Variants in TAFA2 observed in about 807,000 individuals in gnomAD.
TAFA2 encodes TAFA chemokine like family member 2, also known as chemokine-like protein TAFA-2.
TAFA2 carries 7 observed loss-of-function variants against 18.8 expected under a neutral mutation model. The ratio of observed to expected loss-of-function variants is 0.37; its 90% CI spans 0.21 to 0.70. The LOEUF (loss-of-function observed/expected upper bound fraction) is 0.70. Ranked by LOEUF, TAFA2 falls within the 30% of genes least tolerant of loss-of-function variation. The pLI is 0.53. For synonymous variants in TAFA2, 60 were observed against 54.2 expected (o/e 1.11, Z -0.47); for missense variants, 122 against 158.1 (o/e 0.77, Z 1.23).
chr12:62,163,644 C>T (rs1333461760), intron 1 of TAFA2, among the ~76,000 whole-genome samples: 5 of 152,060 alleles, frequency 3.3e-5, no homozygotes, highest in African/African-American at 9.7e-5. Context: ...TGAGCAGTCA[C>T]GGAAATGTAA....
At chr12:61,787,405 C>T (rs1454658180) in intron 2 of TAFA2, among the ~76,000 whole-genome samples, 2 of 151,560 alleles carry the variant, frequency 1.3e-5, no homozygotes, top group Non-Finnish European at 3.0e-5. Context: ...TATATTCAAA[C>T]TCAGAATACT....
intron 1 of TAFA2, among the ~76,000 whole-genome samples, chr12:61,977,631 G>A (rs889569448): frequency 6.6e-6 from 1 of 152,072 alleles, no homozygotes; most frequent in Non-Finnish European, 1.5e-5. Flanking sequence ...ATGTCTTATA[G>A]TTGGTAGACC....
intron 4 of TAFA2, among the ~76,000 whole-genome samples, chr12:61,736,681 T>A (rs1261411050): frequency 1.3e-5 from 2 of 152,006 alleles, no homozygotes; most frequent in African/African-American, 4.8e-5. Context: ...GAGTTTATCC[T>A]GGAAATATGT....
At chr12:61,891,218 G>C (rs1278987373) in intron 1 of TAFA2, among the ~76,000 whole-genome samples, 1 of 152,172 alleles carries the variant, frequency 6.6e-6, no homozygotes, top group Non-Finnish European at 1.5e-5. Flanking sequence ...TGGTGAGAAA[G>C]ATTCAGCCAA....
At chr12:61,892,302 G>A (rs1026014711) in intron 1 of TAFA2, among the ~76,000 whole-genome samples, 1 of 152,096 alleles carries the variant, frequency 6.6e-6, no homozygotes, top group African/African-American at 2.4e-5. Context: ...AACATATTAA[G>A]TTTGAGAAGA....
At chr12:61,984,962 T>C (rs1483228481) in intron 1 of TAFA2, among the ~76,000 whole-genome samples, 2 of 152,240 alleles carry the variant, frequency 1.3e-5, no homozygotes, top group African/African-American at 2.4e-5. Context: ...CCAGACTCTC[T>C]TTGACTACAC....
chr12:61,720,835 G>A, intron 4 of TAFA2: 1 of 490,492 alleles, frequency 2.0e-6, no homozygotes, highest in Non-Finnish European at 4.1e-6. Context: ...ACTTTTTTGA[G>A]TGTGGAGAAA....
chr12:61,964,647 A>G (rs577882511), intron 1 of TAFA2, among the ~76,000 whole-genome samples: 49 of 151,904 alleles, frequency 3.2e-4, no homozygotes, highest in Non-Finnish European at 6.0e-4. Flanking sequence ...TCCTCACTCC[A>G]TACTCTTCTT....
At chr12:62,051,508 C>A (rs2951468) in intron 1 of TAFA2, among the ~76,000 whole-genome samples, 29,707 of 151,910 alleles carry the variant, frequency 0.2, 3,499 homozygotes, top group Non-Finnish European at 0.26. Context: ...TTTAAGTAAG[C>A]TTCCAGTAAG....
intron 1 of TAFA2, among the ~76,000 whole-genome samples, chr12:62,051,689 A>G (rs1008087930): frequency 4.0e-5 from 6 of 151,732 alleles, no homozygotes; most frequent in Middle Eastern, 6.8e-3. Flanking sequence ...AACTATGCAT[A>G]CCTGTCACCT....
chr12:62,183,106 G>A (rs2062562307), intron 1 of TAFA2, among the ~76,000 whole-genome samples: 1 of 152,204 alleles, frequency 6.6e-6, no homozygotes, highest in East Asian at 1.9e-4. Context: ...GATGGTATTT[G>A]TAGGTGGGAC....
chr12:61,994,984 C>A lies in TAFA2; in HGVS notation c.-1-127558G>T, dbSNP rs371060452. Among the ~76,000 whole-genome samples the A allele has an allele frequency of 3.7e-4, 56 of 152,234 alleles. 1 individual carries two copies. Among genetic ancestry groups the A allele is most frequent in the African/African-American group, 1.2e-3 (51 of 41,546 alleles). The stretch of plus-strand genomic sequence containing the variant: ...TTACTAGCCTAGTCCACTGCAACTG[C>A]CCCCTAACTGTCTGCCTGTCTCATA... On this transcript the variant is annotated intron_variant, in intron 1 of 4. Coordinates refer to ENST00000416284, the MANE Select transcript of TAFA2 (RefSeq NM_178539.5).
intron 1 of TAFA2, among the ~76,000 whole-genome samples, chr12:62,138,486 T>C (rs535028714): frequency 2.6e-5 from 4 of 152,342 alleles, no homozygotes; most frequent in South Asian, 2.1e-4. Context: ...TTTACTGCTA[T>C]AGTTTTAGTT....
chr12:61,785,066 A>G (rs1389435844), intron 2 of TAFA2, among the ~76,000 whole-genome samples: 1 of 151,446 alleles, frequency 6.6e-6, no homozygotes, highest in Non-Finnish European at 1.5e-5. Flanking sequence ...ATTCCTATCT[A>G]TCTATAATTG....
chr12:62,240,548 T>C (rs2062858183), intron 1 of TAFA2, among the ~76,000 whole-genome samples: 1 of 152,226 alleles, frequency 6.6e-6, no homozygotes, highest in African/African-American at 2.4e-5. Context: ...TTTGCTAGTA[T>C]TATTTTTATT....
chr12:61,839,439 A>G (rs575636868), intron 2 of TAFA2, among the ~76,000 whole-genome samples: 7 of 152,220 alleles, frequency 4.6e-5, no homozygotes, highest in Admixed American at 3.3e-4. Flanking sequence ...CTGAAAAAAC[A>G]CACATGCCCT....
intron 4 of TAFA2, among the ~76,000 whole-genome samples, chr12:61,721,591 ACAGT>A (rs1285047338): frequency 6.6e-6 from 1 of 152,328 alleles, no homozygotes; most frequent in African/African-American, 2.4e-5. Flanking sequence ...ATCCTCATTA[ACAGT>A]CAGAATGAGA....
chr12:61,778,236 A>C (rs1482638295), intron 2 of TAFA2, among the ~76,000 whole-genome samples: 1 of 151,854 alleles, frequency 6.6e-6, no homozygotes, highest in East Asian at 1.9e-4. Flanking sequence ...TTCAAAGCTC[A>C]TTCCTTGACT....
At chr12:61,987,551 T>C (rs997013354) in intron 1 of TAFA2, among the ~76,000 whole-genome samples, 1 of 152,232 alleles carries the variant, frequency 6.6e-6, no homozygotes, top group South Asian at 2.1e-4. Context: ...TATTATTCCC[T>C]GCAAGATGCC....
Sources: gnomAD v4.1 joint callset for allele counts (sites outside exome capture counted in the v4.1 genomes callset) on GRCh38, gnomAD v4.1.1 for gene constraint, MANE v1.5 for transcripts, NCBI Gene and HGNC (gene_info 2026-07-23, HGNC 2026-07-21) for gene names.